The following NRP1 variants were observed in gnomAD, a reference collection of about 807,000 sequenced individuals.
NRP1 encodes the protein neuropilin 1.
NRP1 carries 35 observed loss-of-function variants against 106.7 expected under a neutral mutation model. That is an observed-to-expected ratio of 0.33 (90% CI 0.25 to 0.43). The LOEUF (loss-of-function observed/expected upper bound fraction) is 0.43. Among genes scored for constraint, NRP1 ranks in the 20% least tolerant of loss-of-function variants. NRP1 has a pLI of 1.00. For missense variants in NRP1, 1,024 were observed against 1,170.4 expected (o/e 0.87, Z 1.83); for synonymous variants, 437 against 417.9 (o/e 1.05, Z -0.56).
intron 3 of NRP1, among the ~76,000 whole-genome samples, chr10:33,266,434 T>G (rs6481842): frequency 0.64 from 97,943 of 152,038 alleles, 32,245 homozygotes; most frequent in African/African-American, 0.77. Context: ...ATGACAAATG[T>G]GAGTTGGACT....
At chr10:33,250,204 G>C (rs1313595426) in intron 6 of NRP1, among the ~76,000 whole-genome samples, 1 of 152,148 alleles carries the variant, frequency 6.6e-6, no homozygotes, top group Non-Finnish European at 1.5e-5. Flanking sequence ...AAATTATGCT[G>C]TACTTGTTGG....
intron 6 of NRP1, chr10:33,249,668 T>C (rs1275499555): frequency 2.8e-6 from 1 of 363,224 alleles, no homozygotes; most frequent in East Asian, 7.3e-5. Flanking sequence ...GGCAGGCAAA[T>C]TTCATAGTGT....
At chr10:33,199,365 T>TTTTATATATATATATA (rs57582967) in intron 11 of NRP1, among the ~76,000 whole-genome samples, 2 of 64,268 alleles carry the variant, frequency 3.1e-5, no homozygotes, top group African/African-American at 1.0e-4. Context: ...CCTGGCTGTT[T>TTTTATATATATATATA]TCTATATATA....
intron 12 of NRP1, chr10:33,195,685 T>G (rs1033268462): frequency 2.3e-6 from 1 of 429,870 alleles, no homozygotes; most frequent in African/African-American, 2.0e-5. Context: ...CCATGCAATA[T>G]TCTGGGCATT....
chr10:33,179,948 T>A lies in NRP1; in HGVS notation c.*128A>T. 1.1e-6 allele frequency: 1 copy of A among 934,484 alleles called. No homozygotes were observed. Among genetic ancestry groups the A allele is most frequent in the East Asian group, 2.4e-5 (1 of 41,450 alleles). The allele number at this position is 934,484 out of a possible 1,614,324, so 57.9% of individuals were successfully genotyped here. A position where few individuals can be genotyped will look rare whatever the true frequency, so the allele number is the denominator to read the frequency against. On this transcript the variant is annotated 3_prime_UTR_variant, in exon 17 of 17. Transcript: ENST00000374867. ...TGTCGGCCATACTCATTGAAGCTCCTGAGAAAAGCCTGGCTCAGTGGTCAT... is the reference window on the plus strand; with the variant it reads ...TGTCGGCCATACTCATTGAAGCTCCAGAGAAAAGCCTGGCTCAGTGGTCAT...
Position 33,213,449 on chromosome 10 carries a change from G to C in NRP1, c.1551C>G (p.Ile517Met). The part of the protein sequence containing the change: ...ENKVFMRKFK[I>M]GYSNNGSDWK... Reference sequence around the variant, plus strand: ...AGTCCGAGCCGTTGTTGCTGTACCCGATCTTGAACTTCCTCATGAACACCT... The same window carrying C: ...AGTCCGAGCCGTTGTTGCTGTACCCCATCTTGAACTTCCTCATGAACACCT... The change falls in exon 9 of 17, where the codon ATC (isoleucine) becomes ATG (methionine). Residue 517 changes from isoleucine (I) to methionine (M), a missense_variant. Physicochemically the swap from Ile to Met is conservative, Grantham distance 10. This residue lies in a region of NRP1 where 562 missense variants were observed against 620.3 expected (regional missense o/e 0.91). Coordinates refer to ENST00000374867, the MANE Select transcript of NRP1 (RefSeq NM_003873.7). The C allele has an allele frequency of 6.2e-7, 1 of 1,613,870 alleles. No homozygotes were observed.
chr10:33,316,208 G>A (rs914683749), intron 2 of NRP1, among the ~76,000 whole-genome samples: 3 of 152,198 alleles, frequency 2.0e-5, no homozygotes, highest in Admixed American at 2.0e-4. Flanking sequence ...TTTGCATTTG[G>A]CAAATAGCTG....
At chr10:33,292,942 T>C (rs1845106234) in intron 2 of NRP1, among the ~76,000 whole-genome samples, 1 of 150,446 alleles carries the variant, frequency 6.6e-6, no homozygotes, top group East Asian at 2.0e-4. Context: ...GCCGAGATCG[T>C]GCCATTGCAC....
At position 33,186,409 on chromosome 10, in the gene NRP1, A is replaced by G; in HGVS notation, c.2142T>C (p.Tyr714=). 1 of 1,614,166 alleles carries G rather than the reference A, an allele frequency of 6.2e-7. No individual in the cohort carries two copies. Among genetic ancestry groups the G allele is most frequent in the Non-Finnish European group, 8.5e-7 (1 of 1,180,022 alleles). The change falls in exon 14 of 17, where the codon TAT becomes TAC. Residue 714 remains tyrosine (Y), a synonymous_variant. Transcript: ENST00000374867. ...TCATGCAGTGGGCAGAGTTCTGGGA[A>G]TAAACCACAGGGCTCACCAGGCGAG... ...KVARLVSPVV[Y]SQNSAHCMTF...
intron 2 of NRP1, among the ~76,000 whole-genome samples, chr10:33,315,543 T>C (rs1846965416): frequency 1.3e-5 from 2 of 152,158 alleles, no homozygotes; most frequent in Admixed American, 1.3e-4. Context: ...GCACCTACTA[T>C]ATGCAAAACA....
intron 2 of NRP1, among the ~76,000 whole-genome samples, chr10:33,324,021 C>T (rs1423671774): frequency 6.6e-6 from 1 of 152,178 alleles, no homozygotes; most frequent in East Asian, 1.9e-4. Flanking sequence ...CCAACCTTCT[C>T]CTTTAGCTCG....
In NRP1 at chr10:33,179,795, G is replaced by T. The variant is rs1835565771; in HGVS notation, c.*281C>A. The T allele has an allele frequency of 5.0e-6, 2 of 399,294 alleles. No individual in the cohort carries two copies. The highest frequency in any genetic ancestry group is 9.1e-6 in the Non-Finnish European group (2 of 219,378). 24.7% of individuals were successfully genotyped at this position (399,294 alleles called of 1,614,324 possible). On this transcript the variant is annotated 3_prime_UTR_variant, in exon 17 of 17. Coordinates refer to ENST00000374867, the MANE Select transcript of NRP1 (RefSeq NM_003873.7). The stretch of plus-strand genomic sequence containing the variant: ...AGAGAGAGAGAGAGGGGCAGGAGGG[G>T]TCGAAATGAATGATTATGTCAATCA...
intron 6 of NRP1, among the ~76,000 whole-genome samples, chr10:33,243,957 G>GTGTA (rs1554790387): frequency 1.3e-5 from 2 of 151,810 alleles, no homozygotes; most frequent in African/African-American, 4.9e-5. Flanking sequence ...GTGTGTGTGT[G>GTGTA]TGTGTGTGCA....
chr10:33,204,968 G>A lies in NRP1; in HGVS notation c.1760-1973C>T, dbSNP rs577739844. Among the ~76,000 whole-genome samples the A allele has an allele frequency of 2.6e-5, 4 of 152,294 alleles. No homozygotes were observed. The South Asian group carries it at 8.3e-4, about 32-fold the overall frequency. On this transcript the variant is annotated intron_variant, in intron 10 of 16. Transcript: ENST00000374867. ...GCTGGTCTCAAGCTCCTGAGCTCAA[G>A]TGATCTGCCCGCCTTGGCCTCCCAA...
chr10:33,216,276 T>G (rs892219824), intron 8 of NRP1, among the ~76,000 whole-genome samples: 26 of 151,646 alleles, frequency 1.7e-4, no homozygotes, highest in African/African-American at 2.4e-4. Context: ...TAGCTAGGAC[T>G]CCAGGCGCCT....
chr10:33,259,290 C>T (rs144505959), intron 4 of NRP1, among the ~76,000 whole-genome samples: 27 of 152,302 alleles, frequency 1.8e-4, no homozygotes, highest in African/African-American at 5.3e-4. Flanking sequence ...CGGACAACAG[C>T]GTGCCACTCT....
At chr10:33,329,597 T>C (rs1446719509) in intron 2 of NRP1, among the ~76,000 whole-genome samples, 2 of 152,256 alleles carry the variant, frequency 1.3e-5, no homozygotes, top group African/African-American at 4.8e-5. Flanking sequence ...CATATACGGT[T>C]ACACCAAACT....
At chr10:33,199,231 C>T (rs912908594) in intron 11 of NRP1, among the ~76,000 whole-genome samples, 1 of 150,908 alleles carries the variant, frequency 6.6e-6, no homozygotes, top group Non-Finnish European at 1.5e-5. Context: ...CAGAGTCTTG[C>T]TGTCACCCAG....
At chr10:33,265,125 A>C (rs2284938) in intron 3 of NRP1, among the ~76,000 whole-genome samples, 3 of 151,768 alleles carry the variant, frequency 2.0e-5, no homozygotes, top group Admixed American at 6.6e-5. Flanking sequence ...AAAAACAAAC[A>C]AACAAACAAA....
Sources: allele counts gnomAD v4.1 joint callset (sites outside exome capture counted in the v4.1 genomes callset), GRCh38; gene constraint gnomAD v4.1.1; regional missense constraint gnomAD v4.1.1; transcripts MANE v1.5; gene names NCBI Gene and HGNC (gene_info 2026-07-23, HGNC 2026-07-21).